The following UMAD1 variants were observed in gnomAD, a reference collection of about 807,000 sequenced individuals.
The protein encoded by UMAD1 is UBAP1-MVB12-associated (UMA) domain containing 1, also known as UBAP1-MVB12-associated (UMA)-domain containing protein 1.
In UMAD1, 8 loss-of-function variants were observed where a neutral mutation model predicts 6.1. The ratio of observed to expected loss-of-function variants is 1.30; its 90% CI spans 0.76 to 2.35. The LOEUF (loss-of-function observed/expected upper bound fraction) is 2.35. UMAD1 is among the 30% of genes most tolerant of loss of function. The pLI, the probability that UMAD1 is intolerant of heterozygous loss-of-function variation, is 0.00. For missense variants in UMAD1, 130 were observed against 78.4 expected (o/e 1.66, Z -2.49); for synonymous variants, 56 against 31.4 (o/e 1.78, Z -2.61).
chr7:7,813,418 C>T lies in UMAD1; in HGVS notation c.156+11675C>T, dbSNP rs561804827. ...ACAGGGTTTCACCGTATCGGCCAGG[C>T]TGGTCTCGAACTCCTGACCTCATGA... On this transcript the variant is annotated intron_variant, in intron 3 of 3. Coordinates refer to ENST00000682710, the MANE Select transcript of UMAD1 (RefSeq NM_001302348.2). Among the ~76,000 whole-genome samples, 3 of 152,258 alleles carry T rather than the reference C, an allele frequency of 2.0e-5. No homozygotes were observed. In the East Asian group the frequency reaches 5.8e-4, roughly 29 times the overall value.
At chr7:7,789,485 C>A (rs114967406) in intron 2 of UMAD1, among the ~76,000 whole-genome samples, 1 of 152,080 alleles carries the variant, frequency 6.6e-6, no homozygotes, top group African/African-American at 2.4e-5. Flanking sequence ...AGTAATAAAA[C>A]CAATGTAATA....
At chr7:7,715,457 T>C (rs1780877928) in intron 2 of UMAD1, among the ~76,000 whole-genome samples, 1 of 152,202 alleles carries the variant, frequency 6.6e-6, no homozygotes, top group Admixed American at 6.5e-5. Context: ...AAGTGCACTC[T>C]TATTTCAATA....
intron 2 of UMAD1, among the ~76,000 whole-genome samples, chr7:7,790,526 C>T (rs764767398): frequency 5.9e-5 from 9 of 152,214 alleles, no homozygotes; most frequent in Non-Finnish European, 1.3e-4. Flanking sequence ...TCTCAGGCTC[C>T]TAATGGTGAT....
At chr7:7,817,283 T>C (rs1486493997) in intron 3 of UMAD1, among the ~76,000 whole-genome samples, 1 of 152,184 alleles carries the variant, frequency 6.6e-6, no homozygotes, top group Non-Finnish European at 1.5e-5. Flanking sequence ...TGCCATGAAG[T>C]GGGGATTCGG....
chr7:7,758,096 A>T (rs1233113417), intron 2 of UMAD1, among the ~76,000 whole-genome samples: 1 of 151,944 alleles, frequency 6.6e-6, no homozygotes, highest in Non-Finnish European at 1.5e-5. Flanking sequence ...TTAATTAGAG[A>T]CAGGGTTCTC....
At chr7:7,695,422 C>T (rs548435479) in intron 2 of UMAD1, among the ~76,000 whole-genome samples, 1 of 152,172 alleles carries the variant, frequency 6.6e-6, no homozygotes, top group South Asian at 2.1e-4. Context: ...TCTGTCTTTT[C>T]TAGACATAAT....
intron 2 of UMAD1, among the ~76,000 whole-genome samples, chr7:7,754,100 G>A (rs1015776340): frequency 6.6e-6 from 1 of 152,056 alleles, no homozygotes; most frequent in Admixed American, 6.6e-5. Flanking sequence ...CAGGAGAATC[G>A]CTTGAACCTG....
intron 2 of UMAD1, among the ~76,000 whole-genome samples, chr7:7,779,798 C>G (rs1397605858): frequency 6.6e-6 from 1 of 152,180 alleles, no homozygotes; most frequent in Non-Finnish European, 1.5e-5. Context: ...GTGCACACCA[C>G]CACACCTGGC....
intron 3 of UMAD1, among the ~76,000 whole-genome samples, chr7:7,813,165 T>A (rs898137436): frequency 6.6e-6 from 1 of 152,192 alleles, no homozygotes; most frequent in Non-Finnish European, 1.5e-5. Context: ...TTTTCCATTT[T>A]TCTCCAGGCG....
At chr7:7,806,613 C>A (rs1782921952) in intron 3 of UMAD1, among the ~76,000 whole-genome samples, 1 of 152,066 alleles carries the variant, frequency 6.6e-6, no homozygotes, top group Non-Finnish European at 1.5e-5. Flanking sequence ...ACAGTTGTAT[C>A]TTTTCTCACC....
intron 2 of UMAD1, among the ~76,000 whole-genome samples, chr7:7,695,261 T>C (rs1315700066): frequency 6.6e-6 from 1 of 152,210 alleles, no homozygotes; most frequent in Non-Finnish European, 1.5e-5. Context: ...ATAATTTGTT[T>C]ACTTGCTGTC....
chr7:7,802,188 G>A (rs770788489), intron 3 of UMAD1, among the ~76,000 whole-genome samples: 2 of 152,166 alleles, frequency 1.3e-5, no homozygotes, highest in Non-Finnish European at 2.9e-5. Context: ...GACCATCCTG[G>A]CCAACATGGT....
At chr7:7,856,287 G>A (rs1784016285) in intron 3 of UMAD1, among the ~76,000 whole-genome samples, 1 of 152,184 alleles carries the variant, frequency 6.6e-6, no homozygotes, top group African/African-American at 2.4e-5. Flanking sequence ...AAAGAAAAGA[G>A]GTTTAATTGA....
At chr7:7,745,600 G>A (rs576437129) in intron 2 of UMAD1, among the ~76,000 whole-genome samples, 8 of 152,324 alleles carry the variant, frequency 5.3e-5, no homozygotes, top group South Asian at 4.1e-4. Flanking sequence ...ATAGTCTAGC[G>A]AACAGGTCAG....
In UMAD1 at chr7:7,646,245, T is replaced by C. The variant is rs146915415; in HGVS notation, c.-64+5424T>C. Among the ~76,000 whole-genome samples, 189 of 152,216 alleles carry C rather than the reference T, an allele frequency of 1.2e-3. 1 individual carries two copies. Among genetic ancestry groups the C allele is most frequent in the Middle Eastern group, 0.01 (3 of 294 alleles). On this transcript the variant is annotated intron_variant, in intron 1 of 3. Transcript: ENST00000682710. ...TTACATGGGCTTGAAAGATGGTGAA[T>C]GTGGGCATTTTATTGAGTGATGGAG...
intron 2 of UMAD1, among the ~76,000 whole-genome samples, chr7:7,766,006 A>G (rs932304249): frequency 6.6e-6 from 1 of 152,196 alleles, no homozygotes; most frequent in African/African-American, 2.4e-5. Flanking sequence ...TAATAGTGGA[A>G]TAAGAATTGT....
intron 2 of UMAD1, among the ~76,000 whole-genome samples, chr7:7,750,423 G>T (rs1781654956): frequency 6.6e-6 from 1 of 152,048 alleles, no homozygotes; most frequent in South Asian, 2.1e-4. Context: ...TTTTAAATTT[G>T]AACTAATTGT....
chr7:7,696,199 G>C (rs779215498), intron 2 of UMAD1, among the ~76,000 whole-genome samples: 21 of 150,626 alleles, frequency 1.4e-4, no homozygotes, highest in Middle Eastern at 6.8e-3. Context: ...AGAGATGGGG[G>C]TTTTGCCATG....
At chr7:7,719,525 T>C (rs906995367) in intron 2 of UMAD1, among the ~76,000 whole-genome samples, 2 of 152,240 alleles carry the variant, frequency 1.3e-5, no homozygotes, top group Admixed American at 1.3e-4. Context: ...GATTATACTT[T>C]TGAATGTATT....
Sources: gnomAD v4.1 joint callset for allele counts (sites outside exome capture counted in the v4.1 genomes callset) on GRCh38, gnomAD v4.1.1 for gene constraint, MANE v1.5 for transcripts, NCBI Gene and HGNC (gene_info 2026-07-23, HGNC 2026-07-21) for gene names.